CELF2: variants seen among roughly 807,000 people sequenced by gnomAD.
CELF2 encodes CUG triplet repeat RNA-binding protein 2.
In CELF2, 8 loss-of-function variants were observed where a neutral mutation model predicts 62.6. The observed-to-expected ratio is 0.13, with a 90% confidence interval of 0.07 to 0.23. CELF2 has a LOEUF of 0.23. Among genes scored for constraint, CELF2 ranks in the 10% least tolerant of loss-of-function variants. The pLI, the probability that CELF2 is intolerant of heterozygous loss-of-function variation, is 1.00. For missense variants in CELF2, 333 were observed against 671.0 expected (o/e 0.50, Z 5.56); for synonymous variants, 258 against 250.0 (o/e 1.03, Z -0.30).
intron 2 of CELF2, chr10:10,926,981 C>G (rs1305807756): frequency 1.3e-5 from 2 of 152,208 alleles, no homozygotes; most frequent in Non-Finnish European, 2.9e-5. Context: ...CCAGGTTTCC[C>G]TCCTCTCTTG....
intron 1 of CELF2, among the ~76,000 whole-genome samples, chr10:11,143,617 C>G (rs1048982186): frequency 2.0e-5 from 3 of 152,206 alleles, no homozygotes; most frequent in East Asian, 3.8e-4. Flanking sequence ...TAGTTTCTTG[C>G]ATATCTCACG....
chr10:11,042,005 G>C (rs887838354), intron 1 of CELF2, among the ~76,000 whole-genome samples: 4 of 152,198 alleles, frequency 2.6e-5, no homozygotes, highest in Non-Finnish European at 5.9e-5. Flanking sequence ...TGGGTACATA[G>C]TTAGCCATGG....
At position 11,165,306 on chromosome 10, in the gene CELF2, G is replaced by A. The variant is rs2133341709; in HGVS notation, c.75-180G>A. On this transcript the variant is annotated intron_variant, in intron 1 of 12. Coordinates refer to ENST00000633077, the MANE Select transcript of CELF2 (RefSeq NM_001326342.2). The surrounding 1 kb of genome is among the most constrained non-coding windows in gnomAD (Gnocchi z 7.4). ...CAGTGAGAGCCTCGCCGCCGCCGAG[G>A]AGCAACTCATGGTGCCTCCGCTTTG... is the stretch of plus-strand genomic sequence containing the variant. 1.4e-6 allele frequency: 2 copies of A among 1,406,936 alleles called. No homozygotes were observed. Among genetic ancestry groups the A allele is most frequent in the South Asian group, 1.6e-5 (1 of 64,202 alleles). The allele number at this position is 1,406,936 out of a possible 1,614,324, so 87.2% of individuals were successfully genotyped here.
At chr10:10,740,312 A>G in the CELF2 span, among the ~76,000 whole-genome samples, 1 of 152,196 alleles carries the variant, frequency 6.6e-6, no homozygotes, top group African/African-American at 2.4e-5. Flanking sequence ...GGTATAAGAT[A>G]AAGGTCCAGT....
At position 11,054,608 on chromosome 10, in the gene CELF2, C is replaced by G. The variant is rs58502857; in HGVS notation, c.74+36445C>G. Among the ~76,000 whole-genome samples the G allele has an allele frequency of 7.4e-3, 1,124 of 152,202 alleles. 9 individuals are homozygous for G. The highest frequency in any genetic ancestry group is 0.025 in the African/African-American group (1,024 of 41,506). ...ATTTCATAGTGGCCTACAGGACACT[C>G]TGGTGGACGTGTAGTCTGTGGATTG... On this transcript the variant is annotated intron_variant, in intron 1 of 12. Transcript: ENST00000633077.
the CELF2 span, among the ~76,000 whole-genome samples, chr10:10,528,686 T>G: frequency 6.6e-6 from 1 of 152,196 alleles, no homozygotes; most frequent in African/African-American, 2.4e-5. Flanking sequence ...GAAGTGGTGT[T>G]GTGTCATTGC....
rs757848512 is a variant in CELF2, at chr10:11,305,896, C to T, written c.977-8243C>T. On this transcript the variant is annotated intron_variant, in intron 9 of 12. Coordinates refer to ENST00000633077, the MANE Select transcript of CELF2 (RefSeq NM_001326342.2). The surrounding 1 kb of genome is among the most constrained non-coding windows in gnomAD (Gnocchi z 4.8). ...CACCATCAGGGTCTCTGGACCACCT[C>T]GCTTTTCCTGTTCTCCACACCCCAC... is the stretch of plus-strand genomic sequence containing the variant. Among the ~76,000 whole-genome samples the T allele has an allele frequency of 6.6e-5, 10 of 152,230 alleles. No individual in the cohort carries two copies. The highest frequency in any genetic ancestry group is 1.4e-4 in the African/African-American group (6 of 41,452).
the CELF2 span, among the ~76,000 whole-genome samples, chr10:10,562,988 G>A: frequency 6.6e-6 from 1 of 151,958 alleles, no homozygotes; most frequent in Non-Finnish European, 1.5e-5. Context: ...TGGTCCTCTG[G>A]TCCTTCCTCC....
chr10:10,901,876 A>G (rs1417997213), intron 1 of CELF2, among the ~76,000 whole-genome samples: 1 of 152,226 alleles, frequency 6.6e-6, no homozygotes, highest in African/African-American at 2.4e-5. Flanking sequence ...CAACAATTCA[A>G]CAATAAGAAA....
the CELF2 span, among the ~76,000 whole-genome samples, chr10:10,512,259 T>C: frequency 1.3e-5 from 2 of 152,200 alleles, no homozygotes; most frequent in African/African-American, 2.4e-5. Context: ...CAACATCTGT[T>C]GTGACAGGAT....
rs959586173 is a variant in CELF2 at position 10,995,127 on chromosome 10, A to T, written c.89+75128A>T. On this transcript the variant is annotated intron_variant, in intron 2 of 13. Coordinates refer to the CELF2 transcript ENST00000636488. The surrounding 1 kb of genome is among the most constrained non-coding windows in gnomAD (Gnocchi z 4.7). ...TAAGCTGTGTCTTTCTAACTTGGTT[A>T]TAAGTTCCTTAAGGGCAGGAGCTAT... Among the ~76,000 whole-genome samples the T allele has an allele frequency of 6.6e-6, 1 of 152,220 alleles. No homozygotes were observed. Among genetic ancestry groups the T allele is most frequent in the African/African-American group, 2.4e-5 (1 of 41,466 alleles).
chr10:11,182,968 C>T (rs1405652381), intron 2 of CELF2, among the ~76,000 whole-genome samples: 1 of 152,132 alleles, frequency 6.6e-6, no homozygotes, highest in Non-Finnish European at 1.5e-5. Flanking sequence ...TTCAACAGCT[C>T]AATGGAGACA....
chr10:10,658,028 A>T, the CELF2 span, among the ~76,000 whole-genome samples: 162 of 152,350 alleles, frequency 1.1e-3, no homozygotes, highest in Non-Finnish European at 1.7e-3. Flanking sequence ...ACATGCCACT[A>T]TGAAACAGAG....
intron 9 of CELF2, among the ~76,000 whole-genome samples, chr10:11,312,278 A>G (rs1485523344): frequency 3.3e-5 from 5 of 152,266 alleles, no homozygotes; most frequent in Non-Finnish European, 5.9e-5. Flanking sequence ...TGTATTGGAT[A>G]TAACTTCAAA....
intron 2 of CELF2, among the ~76,000 whole-genome samples, chr10:10,944,783 A>G (rs2047467863): frequency 2.0e-5 from 3 of 151,896 alleles, no homozygotes; most frequent in Admixed American, 2.0e-4. Context: ...TTGTATTTTT[A>G]TTAGAAATGG....
At chr10:11,040,270 A>G (rs2061601772) in intron 1 of CELF2, among the ~76,000 whole-genome samples, 1 of 152,214 alleles carries the variant, frequency 6.6e-6, no homozygotes, top group African/African-American at 2.4e-5. Flanking sequence ...AAGCATTAAC[A>G]AGATATAGAC....
At chr10:10,737,690 C>T in the CELF2 span, among the ~76,000 whole-genome samples, 2 of 151,964 alleles carry the variant, frequency 1.3e-5, no homozygotes, top group African/African-American at 2.4e-5. Context: ...TCCAGCCCCA[C>T]CTTCTGGGTT....
At position 11,101,429 on chromosome 10, in the gene CELF2, G is replaced by A. The variant is rs149344801; in HGVS notation, c.75-64057G>A. Among the ~76,000 whole-genome samples the A allele has an allele frequency of 8.9e-4, 136 of 152,270 alleles. 2 individuals are homozygous for A. The highest frequency in any genetic ancestry group is 1.5e-3 in the Non-Finnish European group (102 of 68,008). ...CTTAATGATTCCTGAGCTAGGTAGA[G>A]GAAGATGAGACTGTGAAGAAGTTAG... On this transcript the variant is annotated intron_variant, in intron 1 of 12. Coordinates refer to ENST00000633077, the MANE Select transcript of CELF2 (RefSeq NM_001326342.2).
upstream of CELF2, among the ~76,000 whole-genome samples, chr10:10,795,618 C>T (rs10905828): frequency 0.14 from 21,440 of 152,038 alleles, 1,862 homozygotes; most frequent in East Asian, 0.33. Flanking sequence ...GAAACAGATC[C>T]ATTAGGTGTG....
Sources: allele counts gnomAD v4.1 joint callset (sites outside exome capture counted in the v4.1 genomes callset), GRCh38; gene constraint gnomAD v4.1.1; non-coding constraint Gnocchi (gnomAD v3.1); transcripts MANE v1.5; gene names NCBI Gene and HGNC (gene_info 2026-07-23, HGNC 2026-07-21).